Variants in EYS observed in about 807,000 individuals in gnomAD.
The protein encoded by EYS is EGF-like photoreceptor maintenance factor.
EYS carries 250 observed loss-of-function variants against 282.1 expected under a neutral mutation model. The ratio of observed to expected loss-of-function variants is 0.89; its 90% CI spans 0.80 to 0.98. The LOEUF is 0.98. Ranked by LOEUF, EYS falls within the 50% of genes least tolerant of loss-of-function variation. The pLI is 0.00. For missense variants in EYS, 4,016 were observed against 3,709.0 expected (o/e 1.08, Z -2.15); for synonymous variants, 1,355 against 1,282.9 (o/e 1.06, Z -1.20).
intron 33 of EYS, among the ~76,000 whole-genome samples, chr6:64,016,457 T>G (rs1768894501): frequency 6.6e-6 from 1 of 151,818 alleles, no homozygotes; most frequent in Non-Finnish European, 1.5e-5. Flanking sequence ...CTCCAGAATC[T>G]ATGCTATTGG....
At chr6:64,202,837 A>C (rs1010042164) in intron 31 of EYS, among the ~76,000 whole-genome samples, 3 of 152,302 alleles carry the variant, frequency 2.0e-5, no homozygotes, top group South Asian at 4.1e-4. Flanking sequence ...CCCAAAGTCA[A>C]GGAATGCTTT....
chr6:64,550,688 A>T (rs1347319783), intron 26 of EYS, among the ~76,000 whole-genome samples: 1 of 152,158 alleles, frequency 6.6e-6, no homozygotes, highest in Non-Finnish European at 1.5e-5. Flanking sequence ...TTTTCAGATG[A>T]CATGATTGTA....
intron 30 of EYS, among the ~76,000 whole-genome samples, chr6:64,253,019 A>G (rs540582627): frequency 1.3e-5 from 2 of 152,224 alleles, no homozygotes; most frequent in African/African-American, 4.8e-5. Context: ...GCCACTGCAT[A>G]TTACATATCA....
intron 2 of EYS, among the ~76,000 whole-genome samples, chr6:65,600,788 T>C (rs1384704169): frequency 6.6e-6 from 1 of 151,940 alleles, no homozygotes; most frequent in African/African-American, 2.4e-5. Context: ...CAAAGATATA[T>C]ATAGGACACA....
At chr6:65,048,154 C>A (rs1167658361) in intron 13 of EYS, among the ~76,000 whole-genome samples, 1 of 151,864 alleles carries the variant, frequency 6.6e-6, no homozygotes, top group Non-Finnish European at 1.5e-5. Context: ...ATAAACAAAT[C>A]TTGCTTTTGT....
At chr6:63,809,468 T>G (rs1770985552) in intron 36 of EYS, among the ~76,000 whole-genome samples, 1 of 152,234 alleles carries the variant, frequency 6.6e-6, no homozygotes, top group East Asian at 1.9e-4. Flanking sequence ...TTTTAATTTT[T>G]GCAATCCCTA....
At chr6:64,134,414 A>T (rs1774091942) in intron 31 of EYS, among the ~76,000 whole-genome samples, 1 of 152,080 alleles carries the variant, frequency 6.6e-6, no homozygotes, top group Non-Finnish European at 1.5e-5. Flanking sequence ...AAATACTAAA[A>T]AGGTTATGAA....
chr6:64,634,379 A>G (rs970511720), intron 22 of EYS, among the ~76,000 whole-genome samples: 5 of 152,224 alleles, frequency 3.3e-5, no homozygotes, highest in Non-Finnish European at 7.3e-5. Flanking sequence ...AAATCTGTAA[A>G]GAAGACAAAT....
chr6:64,467,607 A>G (rs979314489), intron 26 of EYS, among the ~76,000 whole-genome samples: 1 of 152,060 alleles, frequency 6.6e-6, no homozygotes, highest in East Asian at 1.9e-4. Flanking sequence ...GGACCACCCC[A>G]CTTATTACCA....
intron 34 of EYS, among the ~76,000 whole-genome samples, chr6:63,990,522 T>C (rs572197436): frequency 6.6e-6 from 1 of 151,630 alleles, no homozygotes; most frequent in Admixed American, 6.6e-5. Flanking sequence ...GTTTGAGTGA[T>C]TGGATTTTGT....
chr6:64,470,309 T>C (rs974916210), intron 26 of EYS, among the ~76,000 whole-genome samples: 64 of 152,142 alleles, frequency 4.2e-4, no homozygotes, highest in African/African-American at 1.5e-3. Context: ...GAAATAGTGA[T>C]ATTAAAGAAA....
At chr6:64,296,590 ATATATATATTTTTTTTTT>A (rs1561913859) in intron 30 of EYS, among the ~76,000 whole-genome samples, 4 of 4,658 alleles carry the variant, frequency 8.6e-4, no homozygotes, top group African/African-American at 2.5e-3. Context: ...ATATACATAT[ATATATATATTTTTTTTTT>A]TTTTTTTTTT....
intron 33 of EYS, among the ~76,000 whole-genome samples, chr6:64,030,626 T>C (rs1372226220): frequency 8.5e-5 from 13 of 152,200 alleles, no homozygotes; most frequent in Non-Finnish European, 1.6e-4. Flanking sequence ...TTCAAATTCT[T>C]ATACCAACCT....
intron 13 of EYS, among the ~76,000 whole-genome samples, chr6:65,053,987 G>A (rs541624112): frequency 2.8e-4 from 43 of 151,986 alleles, no homozygotes; most frequent in African/African-American, 9.2e-4. Flanking sequence ...GGCTCAGAGC[G>A]AATTTAATCA....
Position 64,902,143 on chromosome 6 carries a change from T to C in EYS, c.2816A>G (p.Asn939Ser), listed in dbSNP as rs757001678. ...INECSSEPCK[N>S]NGTCVDLTNR... ...TGTCAGATCCACACATGTTCCATTA[T>C]TTTTGCAAGGTTCAGAGGAACATTC... Residue 939 changes from asparagine to serine, a missense_variant, in exon 18 of 43, where the codon AAT (asparagine) becomes AGT (serine). Asn to Ser is a conservative substitution (Grantham distance 46). Transcript: ENST00000503581. 9.7e-6 allele frequency: 15 copies of C among 1,548,508 alleles called. No individual in the cohort carries two copies. The Middle Eastern group carries it at 6.7e-4, about 69-fold the overall frequency.
intron 5 of EYS, among the ~76,000 whole-genome samples, chr6:65,413,320 T>C (rs946713125): frequency 2.6e-5 from 4 of 152,184 alleles, no homozygotes; most frequent in African/African-American, 9.6e-5. Context: ...TATAGCAATG[T>C]ACAAAATAGA....
intron 26 of EYS, among the ~76,000 whole-genome samples, chr6:64,451,468 CA>C: frequency 6.6e-6 from 1 of 152,172 alleles, no homozygotes; most frequent in Non-Finnish European, 1.5e-5. Context: ...GAAACTATTC[CA>C]ATCAATAGAA....
chr6:65,402,535 G>T lies in EYS; in HGVS notation c.1127C>A (p.Ser376Ter). 1 of 1,550,728 alleles carries T rather than the reference G, an allele frequency of 6.4e-7. No individual in the cohort carries two copies. The highest frequency in any genetic ancestry group is 1.1e-5 in the South Asian group (1 of 89,566). Residue 376 changes from serine to a stop codon, truncating the protein, a stop_gained, in exon 7 of 43, where the codon TCA becomes TAA. Coordinates refer to ENST00000503581, the MANE Select transcript of EYS (RefSeq NM_001142800.2). LOFTEE classifies it high-confidence loss of function. ...TGTAGCATTATTCCTCAAAGGAAAT[G>T]ACTCACATGATGTTTGAATGCTCTT... ...LCKSIQTSCE[S>*]FPLRNNATCK...
intron 12 of EYS, among the ~76,000 whole-genome samples, chr6:65,103,975 A>G (rs1193909213): frequency 6.6e-6 from 1 of 151,412 alleles, no homozygotes; most frequent in Non-Finnish European, 1.5e-5. Context: ...GAATGTCCAG[A>G]AATTTTAAGT....
Sources: allele counts gnomAD v4.1 joint callset (sites outside exome capture counted in the v4.1 genomes callset), GRCh38; gene constraint gnomAD v4.1.1; transcripts MANE v1.5; gene names NCBI Gene and HGNC (gene_info 2026-07-23, HGNC 2026-07-21).